The following MYPOP variants were observed in gnomAD, a reference collection of about 807,000 sequenced individuals.
MYPOP encodes the protein Myb related transcription factor, partner of profilin, also known as myb-related transcription factor, partner of profilin.
A neutral mutation model predicts 25.7 loss-of-function variants in MYPOP; 21 were observed. That is an observed-to-expected ratio of 0.82 (90% CI 0.58 to 1.18). MYPOP has a LOEUF of 1.18. MYPOP is among the 50% of genes most tolerant of loss of function. The probability of loss-of-function intolerance (pLI) is 0.00; values close to 1 mark genes in which losing one functional copy is unlikely to be tolerated. For synonymous variants in MYPOP, 280 were observed against 247.9 expected (o/e 1.13, Z -1.22); for missense variants, 566 against 588.3 (o/e 0.96, Z 0.39).
At chr19:45,895,406 C>T (rs960966903) in intron 2 of MYPOP, among the ~76,000 whole-genome samples, 1 of 152,168 alleles carries the variant, frequency 6.6e-6, no homozygotes, top group African/African-American at 2.4e-5. Flanking sequence ...TGTGCACCAC[C>T]ACGCTTGGCT....
chr19:45,890,749 G>T lies in MYPOP; in HGVS notation c.1074C>A (p.Ala358=). ...AVVAARGVII[A]PRSEEGAPRP... The stretch of plus-strand genomic sequence containing the variant: ...GGGGTGCCCCCTCCTCGCTCCTTGG[G>T]GCAATGATCACTCCCCTGGCTGCCA... Residue 358 remains alanine, a synonymous_variant, in exon 3 of 3, where the codon GCC becomes GCA. Transcript: ENST00000322217. 6.4e-7 allele frequency: 1 copy of T among 1,558,892 alleles called. No homozygotes were observed. Among genetic ancestry groups the T allele is most frequent in the Non-Finnish European group, 8.7e-7 (1 of 1,151,546 alleles).
chr19:45,898,593 T>C (rs572726358), intron 2 of MYPOP, among the ~76,000 whole-genome samples: 1 of 149,912 alleles, frequency 6.7e-6, no homozygotes, highest in South Asian at 2.1e-4. Context: ...AAAGAACTAG[T>C]ATTACAGGCG....
At chr19:45,893,689 T>C (rs1196616277) in intron 2 of MYPOP, among the ~76,000 whole-genome samples, 4 of 152,052 alleles carry the variant, frequency 2.6e-5, no homozygotes, top group Non-Finnish European at 5.9e-5. Context: ...GCAGGGTTTC[T>C]TTCTGGAGTG....
At chr19:45,899,637 C>T (rs761553121) in intron 2 of MYPOP, among the ~76,000 whole-genome samples, 3 of 152,044 alleles carry the variant, frequency 2.0e-5, no homozygotes, top group Non-Finnish European at 4.4e-5. Flanking sequence ...GTCGGGAGTT[C>T]CAGACCAGCC....
At chr19:45,902,365 T>C (rs1967314619) in intron 1 of MYPOP, among the ~76,000 whole-genome samples, 1 of 151,686 alleles carries the variant, frequency 6.6e-6, no homozygotes, top group Non-Finnish European at 1.5e-5. Context: ...GGAGCTCCTG[T>C]ATCACTGGAA....
Position 45,891,225 on chromosome 19 carries a change from G to C in MYPOP, c.598C>G (p.Arg200Gly), listed in dbSNP as rs373559489. ...AGGGCCGAAGGGGGTGGTGACTCAC[G>C]CTCCTTGGGCCGTGGGCAGCCCCCT... ...QEGGCPRPKE[R>G]ESPPPSALQP... Residue 200 changes from arginine (R) to glycine (G), a missense_variant, in exon 3 of 3, where the codon CGT becomes GGT. Coordinates refer to ENST00000322217, the MANE Select transcript of MYPOP (RefSeq NM_001012643.4). 2.1e-5 allele frequency: 33 copies of C among 1,539,824 alleles called. No individual in the cohort carries two copies. The highest frequency in any genetic ancestry group is 3.9e-5 in the Admixed American group (2 of 51,000).
rs1009607322 is a variant in MYPOP, at chr19:45,891,160, T to C, written c.663A>G (p.Pro221=). ...GGGGTGGCAGTGGAGGGGCTGGGGG[T>C]GGTGGAGACAAGGCCAGGCGAGGCA... The part of the protein sequence containing the change: ...VQLPRLALSP[P]PPAPPLPPPP... Residue 221 remains proline (P), a synonymous_variant, in exon 3 of 3, where the codon CCA becomes CCG. Coordinates refer to ENST00000322217, the MANE Select transcript of MYPOP (RefSeq NM_001012643.4). The C allele has an allele frequency of 5.2e-6, 7 of 1,351,684 alleles. No individual in the cohort carries two copies. Among genetic ancestry groups the C allele is most frequent in the African/African-American group, 1.7e-5 (1 of 60,508 alleles). The allele number at this position is 1,351,684 out of a possible 1,614,324, so 83.7% of individuals were successfully genotyped here.
In MYPOP at chr19:45,901,468, C is replaced by T; in HGVS notation, c.306G>A (p.Gly102=). 6.2e-7 allele frequency: 1 copy of T among 1,602,320 alleles called. No homozygotes were observed. The highest frequency in any genetic ancestry group is 8.5e-7 in the Non-Finnish European group (1 of 1,174,790). The change falls in exon 2 of 3, where the codon GGG becomes GGA. Residue 102 remains glycine (G), a synonymous_variant. Transcript: ENST00000322217. The surrounding 1 kb of genome is among the most constrained non-coding windows in gnomAD (Gnocchi z 5.7). ...CGGAGAAAGCGTCCTCCGCGGCGGG[C>T]CCGGCGCCCTGCGTGGAGTGCGGCA... The part of the protein sequence containing the change: ...ARVPHSTQGA[G]PAAEDAFSAE...
At chr19:45,895,210 G>C (rs114737536) in intron 2 of MYPOP, among the ~76,000 whole-genome samples, 2,475 of 152,040 alleles carry the variant, frequency 0.016, 37 homozygotes, top group East Asian at 0.082. Flanking sequence ...TGTAGCCACG[G>C]TGGCCTCCTT....
intron 2 of MYPOP, among the ~76,000 whole-genome samples, chr19:45,900,656 A>G (rs55903508): frequency 0.23 from 35,578 of 152,020 alleles, 4,855 homozygotes; most frequent in Non-Finnish European, 0.27. Flanking sequence ...ATCAAGGCTA[A>G]GCAGGAAGTT....
rs1439806529 is a variant in MYPOP, at chr19:45,901,614, G to A, written c.160C>T (p.Arg54Cys). The change falls in exon 2 of 3, where the codon CGC becomes TGC. Residue 54 changes from arginine (R) to cysteine (C), a missense_variant. By Grantham distance (180) the Arg-to-Cys change is radical (BLOSUM62 -3). Transcript: ENST00000322217. The surrounding 1 kb of genome is among the most constrained non-coding windows in gnomAD (Gnocchi z 5.7). ...SRRVSVAERR[R>C]VWDGIAAKIN... ...TTGGCGGCGATGCCGTCCCACACGC[G>A]CCGCCGCTCTGCCACGCTCACCCGA... is the stretch of plus-strand genomic sequence containing the variant. 6.2e-7 allele frequency: 1 copy of A among 1,610,082 alleles called. No homozygotes were observed. The highest frequency in any genetic ancestry group is 8.5e-7 in the Non-Finnish European group (1 of 1,179,154).
chr19:45,897,306 G>A (rs1227286908), intron 2 of MYPOP, among the ~76,000 whole-genome samples: 3 of 150,876 alleles, frequency 2.0e-5, no homozygotes, highest in East Asian at 4.0e-4. Context: ...CAAGGGATCC[G>A]TGTACCTCGG....
intron 2 of MYPOP, 118 bp from the exon 3 acceptor site, chr19:45,891,441 C>T (rs958084219): frequency 1.6e-6 from 2 of 1,231,102 alleles, no homozygotes; most frequent in South Asian, 3.6e-5. Flanking sequence ...CCTTCTCACC[C>T]CCGCCCCCCA....
In MYPOP at chr19:45,897,926, CT is replaced by C. The variant is rs988250393; in HGVS notation, c.499+3348del. Among the ~76,000 whole-genome samples, 690 of 137,764 alleles carry C rather than the reference CT, an allele frequency of 5.0e-3. 3 individuals carry two copies. Among genetic ancestry groups the C allele is most frequent in the African/African-American group, 9.6e-3 (364 of 37,826 alleles). The allele number at this position is 137,764 out of a possible 152,430, so 90.4% of individuals were successfully genotyped here. A position where few individuals can be genotyped will look rare whatever the true frequency, so the allele number is the denominator to read the frequency against. ...TCAGTTTCCCTACTTGTTTTCTTTTCTTTTTTTTTTTTTTTAAGACGGAGTC... is the reference window on the plus strand; with the variant it reads ...TCAGTTTCCCTACTTGTTTTCTTTTCTTTTTTTTTTTTTTAAGACGGAGTC... On this transcript the variant is annotated intron_variant, in intron 2 of 2. Transcript: ENST00000322217.
rs544186974 is a variant in MYPOP, at chr19:45,902,559, G to T, written c.-53+11C>A. 6.6e-6 allele frequency: 1 copy of T among 152,286 alleles called. No individual in the cohort carries two copies. The highest frequency in any genetic ancestry group is 1.5e-5 in the Non-Finnish European group (1 of 68,078). 9.4% of individuals were successfully genotyped at this position (152,286 alleles called of 1,614,324 possible). On this transcript the variant is annotated intron_variant, in intron 1 of 2. Transcript: ENST00000322217. ...GAGGGTGGGGACCGAGTCGGGCCAC[G>T]GGTCACTCACCGGCTCCGCCGCAGC... is the stretch of plus-strand genomic sequence containing the variant.
intron 2 of MYPOP, among the ~76,000 whole-genome samples, chr19:45,896,783 G>A (rs1600569284): frequency 6.6e-6 from 1 of 151,566 alleles, no homozygotes; most frequent in Non-Finnish European, 1.5e-5. Flanking sequence ...CCGCCACTGC[G>A]CCCGGCTAAT....
chr19:45,901,365 G>A lies in MYPOP; in HGVS notation c.409C>T (p.Pro137Ser). ...PGAGAGAEEP[P>S]AAPSSQPPPP... The stretch of plus-strand genomic sequence containing the variant: ...GGCGGCTGTGAAGAGGGGGCCGCAG[G>A]GGGCTCCTCCGCCCCAGCACCTGCC... Residue 137 changes from proline to serine, a missense_variant, in exon 2 of 3, where the codon CCT (proline) becomes TCT (serine). Transcript: ENST00000322217. This position sits in a 1 kb window ranked among gnomAD's most constrained non-coding sequence, Gnocchi z 5.7. 1 of 1,472,322 alleles carries A rather than the reference G, an allele frequency of 6.8e-7. No individual in the cohort carries two copies. Among genetic ancestry groups the A allele is most frequent in the Non-Finnish European group, 9.0e-7 (1 of 1,112,620 alleles). 91.2% of individuals were successfully genotyped at this position (1,472,322 alleles called of 1,614,324 possible). A position where few individuals can be genotyped will look rare whatever the true frequency, so the allele number is the denominator to read the frequency against.
chr19:45,897,020 T>G (rs1254103984), intron 2 of MYPOP, among the ~76,000 whole-genome samples: 1 of 151,442 alleles, frequency 6.6e-6, no homozygotes, highest in Non-Finnish European at 1.5e-5. Context: ...CCTTCTAAAG[T>G]GCTGGGATTA....
intron 2 of MYPOP, among the ~76,000 whole-genome samples, chr19:45,896,054 G>A (rs10426068): frequency 0.23 from 34,370 of 152,022 alleles, 4,683 homozygotes; most frequent in Non-Finnish European, 0.27. Flanking sequence ...ACTTTGAGAG[G>A]CCCAGGCAGG....
Sources: allele counts gnomAD v4.1 joint callset (sites outside exome capture counted in the v4.1 genomes callset), GRCh38; gene constraint gnomAD v4.1.1; non-coding constraint Gnocchi (gnomAD v3.1); transcripts MANE v1.5; gene names NCBI Gene and HGNC (gene_info 2026-07-23, HGNC 2026-07-21).